RBFOX3: variants seen among roughly 807,000 people sequenced by gnomAD.
RBFOX3 encodes the protein RNA binding fox-1 homolog 3.
RBFOX3 carries 17 observed loss-of-function variants against 48.7 expected under a neutral mutation model. That is an observed-to-expected ratio of 0.35 (90% CI 0.24 to 0.52). The LOEUF (loss-of-function observed/expected upper bound fraction) is 0.52. RBFOX3 is among the 20% of genes least tolerant of loss of function. The pLI, the probability that RBFOX3 is intolerant of heterozygous loss-of-function variation, is 0.94. For synonymous variants in RBFOX3, 212 were observed against 209.5 expected, an observed-to-expected ratio of 1.01 and a Z score of -0.10; for missense variants, 382 against 497.5, an observed-to-expected ratio of 0.77 and a Z score of 2.21.
chr17:79,107,868 G>T (rs1174650379), intron 5 of RBFOX3, among the ~76,000 whole-genome samples: 1 of 152,236 alleles, frequency 6.6e-6, no homozygotes, highest in Non-Finnish European at 1.5e-5. Flanking sequence ...GTCCCTCGGT[G>T]GCGACAGGCA....
At chr17:79,100,272 G>C (rs1011702229) in intron 9 of RBFOX3, 1 of 152,228 alleles carries the variant, frequency 6.6e-6, no homozygotes, top group African/African-American at 2.4e-5. Context: ...TTGATCACCT[G>C]TACCCTATAA....
At chr17:79,228,611 T>G (rs1218263973) in intron 4 of RBFOX3, among the ~76,000 whole-genome samples, 1 of 152,216 alleles carries the variant, frequency 6.6e-6, no homozygotes, top group Non-Finnish European at 1.5e-5. Flanking sequence ...GGTTCCGTGA[T>G]GCAGAACTTG....
intron 4 of RBFOX3, among the ~76,000 whole-genome samples, chr17:79,213,286 G>A (rs1366222809): frequency 3.3e-5 from 5 of 152,170 alleles, no homozygotes; most frequent in Admixed American, 6.5e-5. Flanking sequence ...TCGCCTCCCT[G>A]CCCTGCACTC....
Position 79,101,639 on chromosome 17 carries a change from A to G in RBFOX3, c.513T>C (p.Asn171=), listed in dbSNP as rs1236315798. The G allele has an allele frequency of 6.4e-7, 1 of 1,551,178 alleles. No individual in the cohort carries two copies. The highest frequency in any genetic ancestry group is 2.0e-5 in the Admixed American group (1 of 51,002). ...TIVEGRKIEV[N]NATARVMTNK... is the part of the protein sequence containing the mutation. ...TGGTCATCACTCGGGCCGTGGCATT[A>G]TTGACCTGTTCAAAGAGGGAAGGAG... The change falls in exon 9 of 15, where the codon AAT becomes AAC. Residue 171 remains asparagine (N), a synonymous_variant. Transcript: ENST00000693108.
At chr17:79,395,113 G>A (rs567222343) in intron 2 of RBFOX3, among the ~76,000 whole-genome samples, 3 of 152,238 alleles carry the variant, frequency 2.0e-5, no homozygotes, top group South Asian at 2.1e-4. Context: ...TGGGCCTCCC[G>A]TCAACCTTCT....
intron 4 of RBFOX3, among the ~76,000 whole-genome samples, chr17:79,217,581 G>C (rs528916210): frequency 1.1e-4 from 17 of 152,304 alleles, no homozygotes; most frequent in African/African-American, 3.6e-4. Flanking sequence ...GGGTGAATGG[G>C]TAACAGGAGC....
intron 4 of RBFOX3, among the ~76,000 whole-genome samples, chr17:79,160,255 C>T (rs567922972): frequency 1.7e-4 from 25 of 151,054 alleles, no homozygotes; most frequent in African/African-American, 2.2e-4. Context: ...CCAGGGCTGA[C>T]GCCTAGGACC....
chr17:79,280,837 A>T, intron 3 of RBFOX3, among the ~76,000 whole-genome samples: 1 of 31,818 alleles, frequency 3.1e-5, no homozygotes, highest in Admixed American at 4.3e-4. Context: ...AGGCTGTCCC[A>T]TTGTGGGGGG....
chr17:79,300,936 C>T lies in RBFOX3; in HGVS notation c.-74+6788G>A, dbSNP rs147890799. Among the ~76,000 whole-genome samples the T allele has an allele frequency of 6.2e-3, 942 of 152,276 alleles. 6 individuals carry two copies. Among genetic ancestry groups the T allele is most frequent in the Non-Finnish European group, 7.1e-3 (482 of 68,028 alleles). On this transcript the variant is annotated intron_variant, in intron 3 of 14. Transcript: ENST00000693108. ...CACAAAGCTTTTATAAACAAAGTCC[C>T]AAACAGGGGAGGCATGGATGCCAGG...
intron 3 of RBFOX3, among the ~76,000 whole-genome samples, chr17:79,297,796 C>T (rs139497673): frequency 6.6e-6 from 1 of 152,216 alleles, no homozygotes; most frequent in East Asian, 1.9e-4. Context: ...GTGACTGAGG[C>T]ACTGGGTGTT....
chr17:79,389,120 A>G (rs896089911), intron 2 of RBFOX3, among the ~76,000 whole-genome samples: 8 of 152,114 alleles, frequency 5.3e-5, no homozygotes, highest in Non-Finnish European at 1.2e-4. Flanking sequence ...TGTGGCAAGC[A>G]CCGCGTCACA....
At chr17:79,576,638 G>A (rs2092871091) in intron 1 of RBFOX3, among the ~76,000 whole-genome samples, 1 of 152,004 alleles carries the variant, frequency 6.6e-6, no homozygotes, top group Non-Finnish European at 1.5e-5. Flanking sequence ...TGGAGATGAT[G>A]GAGGGGTGGG....
intron 3 of RBFOX3, among the ~76,000 whole-genome samples, chr17:79,251,933 C>T (rs1024165680): frequency 6.6e-6 from 1 of 152,240 alleles, no homozygotes; most frequent in African/African-American, 2.4e-5. Context: ...TGGATCCTTC[C>T]CCTCCCTGCC....
chr17:79,303,411 G>C (rs2075620204), intron 3 of RBFOX3, among the ~76,000 whole-genome samples: 1 of 152,130 alleles, frequency 6.6e-6, no homozygotes, highest in African/African-American at 2.4e-5. Context: ...TCTTCAGCTG[G>C]ATTTGTTAGG....
At chr17:79,664,178 C>T in the RBFOX3 span, among the ~76,000 whole-genome samples, 1 of 77,784 alleles carries the variant, frequency 1.3e-5, no homozygotes, top group Non-Finnish European at 3.4e-5. Context: ...ACCATTCTTA[C>T]CTTTTTTTTT....
chr17:79,115,461 C>T, intron 5 of RBFOX3, 33 bp downstream of exon 5: 1 of 1,276,108 alleles, frequency 7.8e-7, no homozygotes. Flanking sequence ...CCTGAAGCTC[C>T]AGGGCTGGGC....
rs534625891 is a variant in RBFOX3 at position 79,114,590 on chromosome 17, G to A, written c.222+904C>T. On this transcript the variant is annotated intron_variant, in intron 5 of 14. Transcript: ENST00000693108. Reference sequence around the variant, plus strand: ...AGCCAGGCTGGACGGCAGGAGGGCTGAGGCAGTCGGGAGGGGGACCCCCAT... The same window carrying A: ...AGCCAGGCTGGACGGCAGGAGGGCTAAGGCAGTCGGGAGGGGGACCCCCAT... 7.4e-4 allele frequency among the ~76,000 whole-genome samples: 113 copies of A among 152,362 alleles called. 1 individual carries two copies. The highest frequency in any genetic ancestry group is 1.7e-3 in the South Asian group (8 of 4,824).
At chr17:79,380,187 C>A (rs1271517588) in intron 2 of RBFOX3, among the ~76,000 whole-genome samples, 2 of 152,014 alleles carry the variant, frequency 1.3e-5, no homozygotes, top group Non-Finnish European at 2.9e-5. Context: ...CTCCACAATC[C>A]CCCCCTTGCC....
At chr17:79,647,060 CGTGTGTGT>C in the RBFOX3 span, among the ~76,000 whole-genome samples, 2 of 149,466 alleles carry the variant, frequency 1.3e-5, no homozygotes, top group Admixed American at 6.7e-5. Flanking sequence ...TTTTCACTGC[CGTGTGTGT>C]GTGTGTGTGT....
Sources: allele counts gnomAD v4.1 joint callset (sites outside exome capture counted in the v4.1 genomes callset), GRCh38; gene constraint gnomAD v4.1.1; transcripts MANE v1.5; gene names NCBI Gene and HGNC (gene_info 2026-07-23, HGNC 2026-07-21).